Variants in C10orf67 observed in about 807,000 individuals in gnomAD.
C10orf67 encodes chromosome 10 open reading frame 67.
Under a neutral mutation model 35.6 loss-of-function variants are expected in C10orf67, and 60 were observed. The observed-to-expected ratio is 1.68, with a 90% CI of 1.37 to 2.09. C10orf67 has a LOEUF of 2.09. C10orf67 is among the 30% of genes most tolerant of loss of function. The pLI, the probability that C10orf67 is intolerant of heterozygous loss-of-function variation, is 0.00. For missense variants in C10orf67, 474 were observed against 330.2 expected (o/e 1.44, Z -3.38); for synonymous variants, 167 against 115.8 (o/e 1.44, Z -2.84).
intron 1 of C10orf67, among the ~76,000 whole-genome samples, chr10:23,337,728 T>C (rs1022278891): frequency 7.9e-5 from 12 of 152,144 alleles, no homozygotes; most frequent in African/African-American, 2.9e-4. Context: ...AATTGAACCA[T>C]GCCTACTAAA....
intron 5 of C10orf67, among the ~76,000 whole-genome samples, chr10:23,300,419 T>A (rs1844036393): frequency 1.3e-5 from 2 of 152,158 alleles, no homozygotes; most frequent in Non-Finnish European, 2.9e-5. Context: ...CTCCTCCTGA[T>A]CTCTATTATA....
Position 23,267,270 on chromosome 10 carries a change from C to A in C10orf67, c.976-16G>T, listed in dbSNP as rs935925004. 3 of 701,496 alleles carry A rather than the reference C, an allele frequency of 4.3e-6. No homozygotes were observed. Among genetic ancestry groups the A allele is most frequent in the Non-Finnish European group, 7.9e-6 (3 of 380,602 alleles). The allele number at this position is 701,496 out of a possible 1,614,324, so 43.5% of individuals were successfully genotyped here. A position where few individuals can be genotyped will look rare whatever the true frequency, so the allele number is the denominator to read the frequency against. ...GTTTATTAATCTGTAAAATTGAAGA[C>A]CCATATCATTGGTTATTATCTGCAA... On this transcript the variant is annotated splice_polypyrimidine_tract_variant and intron_variant, in intron 8 of 15. Coordinates refer to ENST00000636213, the MANE Select transcript of C10orf67 (RefSeq NM_001371909.1).
At chr10:23,260,352 C>T (rs1842714924) in intron 10 of C10orf67, among the ~76,000 whole-genome samples, 1 of 151,570 alleles carries the variant, frequency 6.6e-6, no homozygotes, top group Admixed American at 6.6e-5. Flanking sequence ...CAAACAAAAA[C>T]TAAGAGAATT....
At chr10:23,246,134 G>A (rs1355035184) in intron 12 of C10orf67, among the ~76,000 whole-genome samples, 3 of 152,194 alleles carry the variant, frequency 2.0e-5, no homozygotes, top group Non-Finnish European at 4.4e-5. Flanking sequence ...ACATTTATAA[G>A]TGGGAGCAAA....
At chr10:23,314,402 A>T (rs1284244908) in intron 4 of C10orf67, among the ~76,000 whole-genome samples, 1 of 151,474 alleles carries the variant, frequency 6.6e-6, no homozygotes, top group African/African-American at 2.4e-5. Context: ...TGGTAGGATC[A>T]CTTGAGGCCA....
chr10:23,211,505 C>T (rs1261192816), intron 15 of C10orf67, among the ~76,000 whole-genome samples: 1 of 149,880 alleles, frequency 6.7e-6, no homozygotes, highest in African/African-American at 2.5e-5. Flanking sequence ...ACAATTCAAC[C>T]CGTAACACAC....
chr10:23,271,767 G>A (rs959703858), intron 8 of C10orf67, among the ~76,000 whole-genome samples: 1 of 151,982 alleles, frequency 6.6e-6, no homozygotes, highest in Non-Finnish European at 1.5e-5. Context: ...TAAAAAATTG[G>A]GTTGTTTTCG....
At position 23,344,628 on chromosome 10, in the gene C10orf67, G is replaced by A. The variant is rs1448401784; in HGVS notation, c.147C>T (p.Cys49=). The change falls in exon 1 of 16, where the codon TGC becomes TGT. Residue 49 remains cysteine, a synonymous_variant. Transcript: ENST00000636213. ...KAKATELRVC[C]ARRKREAREF... is the part of the protein sequence containing the mutation. ...CCCGAGCTTCTCGCTTCCTACGCGC[G>A]CAGCAGACCCGCAGCTCGGTGGCCT... 1 of 1,584,442 alleles carries A rather than the reference G, an allele frequency of 6.3e-7. No homozygotes were observed. The highest frequency in any genetic ancestry group is 8.6e-7 in the Non-Finnish European group (1 of 1,165,992).
At chr10:23,299,818 CAT>C (rs1429391658) in intron 5 of C10orf67, among the ~76,000 whole-genome samples, 1 of 151,818 alleles carries the variant, frequency 6.6e-6, no homozygotes, top group Non-Finnish European at 1.5e-5. Flanking sequence ...TCTACTAAAA[CAT>C]ACAAAAAATT....
chr10:23,319,220 A>G (rs1423629730), intron 4 of C10orf67, among the ~76,000 whole-genome samples: 2 of 152,064 alleles, frequency 1.3e-5, no homozygotes, highest in Non-Finnish European at 1.5e-5. Context: ...TATGTTCTCA[A>G]TGTTTAGCTC....
chr10:23,211,882 A>G (rs186805312), intron 15 of C10orf67, among the ~76,000 whole-genome samples: 1 of 152,318 alleles, frequency 6.6e-6, no homozygotes, highest in East Asian at 1.9e-4. Flanking sequence ...GCAAAAAGAC[A>G]TACTGGGAGA....
intron 5 of C10orf67, among the ~76,000 whole-genome samples, chr10:23,298,427 T>G (rs986938057): frequency 1.3e-5 from 2 of 152,194 alleles, no homozygotes; most frequent in Admixed American, 1.3e-4. Flanking sequence ...CTTGCCCCAT[T>G]GGCAAGCTTA....
chr10:23,217,790 CAT>C (rs2132096606), intron 15 of C10orf67, among the ~76,000 whole-genome samples: 1 of 152,306 alleles, frequency 6.6e-6, no homozygotes, highest in East Asian at 1.9e-4. Flanking sequence ...TGCTTAAAAA[CAT>C]ATTAGACTGA....
At chr10:23,220,466 C>G (rs1337311126) in intron 15 of C10orf67, among the ~76,000 whole-genome samples, 1 of 152,178 alleles carries the variant, frequency 6.6e-6, no homozygotes. Context: ...AGCTTGAAAG[C>G]TCTGTCAGCC....
intron 2 of C10orf67, among the ~76,000 whole-genome samples, chr10:23,327,856 T>C (rs1195755230): frequency 6.6e-6 from 1 of 151,714 alleles, no homozygotes; most frequent in Non-Finnish European, 1.5e-5. Flanking sequence ...CCTGCATCTA[T>C]GCCACATTGA....
At chr10:23,317,681 T>TA (rs1719879981) in intron 4 of C10orf67, 1 of 152,180 alleles carries the variant, frequency 6.6e-6, no homozygotes, top group Admixed American at 6.5e-5. Context: ...GAAAACTTAT[T>TA]AAAATAAACA....
chr10:23,278,080 A>G (rs10828422), intron 8 of C10orf67, among the ~76,000 whole-genome samples: 1 of 152,102 alleles, frequency 6.6e-6, no homozygotes, highest in Non-Finnish European at 1.5e-5. Context: ...TAAACCATTC[A>G]TGAGAAATCT....
intron 4 of C10orf67, among the ~76,000 whole-genome samples, chr10:23,304,399 C>T (rs77744682): frequency 0.011 from 1,724 of 152,330 alleles, 20 homozygotes; most frequent in Middle Eastern, 0.048. Flanking sequence ...AGTTCTGTCC[C>T]TTCCTAGCCT....
At chr10:23,242,264 C>T (rs112246023) in intron 12 of C10orf67, among the ~76,000 whole-genome samples, 1,600 of 152,100 alleles carry the variant, frequency 0.011, 34 homozygotes, top group African/African-American at 0.037. Flanking sequence ...CCACCATGCC[C>T]GGCCTACTGA....
Sources: gnomAD v4.1 joint callset for allele counts (sites outside exome capture counted in the v4.1 genomes callset) on GRCh38, gnomAD v4.1.1 for gene constraint, MANE v1.5 for transcripts, NCBI Gene and HGNC (gene_info 2026-07-23, HGNC 2026-07-21) for gene names.